Variants in KLHL1 observed in about 807,000 individuals in gnomAD.
KLHL1 encodes the protein kelch like family member 1.
In KLHL1, 47 loss-of-function variants were observed where a neutral mutation model predicts 77.7. The observed-to-expected ratio is 0.60, with a 90% CI of 0.48 to 0.77. The LOEUF is 0.77. KLHL1 is among the 30% of genes least tolerant of loss of function. The probability of loss-of-function intolerance (pLI) is 0.00; values close to 1 mark genes in which losing one functional copy is unlikely to be tolerated. For synonymous variants in KLHL1, 360 were observed against 325.2 expected, an observed-to-expected ratio of 1.11 and a Z score of -1.15; for missense variants, 925 against 910.8, an observed-to-expected ratio of 1.02 and a Z score of -0.20.
chr13:69,965,486 A>G (rs780493461), intron 2 of KLHL1, among the ~76,000 whole-genome samples: 83 of 152,034 alleles, frequency 5.5e-4, no homozygotes, highest in Non-Finnish European at 1.1e-3. Context: ...CCCCTTCTCC[A>G]TGGGTCTCCC....
At chr13:69,838,814 C>G (rs55929819) in intron 6 of KLHL1, among the ~76,000 whole-genome samples, 162 bp downstream of exon 6, 1 of 151,922 alleles carries the variant, frequency 6.6e-6, no homozygotes, top group African/African-American at 2.4e-5. Flanking sequence ...AAGAAGCAGA[C>G]AGCAGCTACA....
chr13:69,798,573 GTT>G (rs1232464352), intron 6 of KLHL1, among the ~76,000 whole-genome samples: 1 of 151,652 alleles, frequency 6.6e-6, no homozygotes, highest in Non-Finnish European at 1.5e-5. Context: ...ATTCAATACT[GTT>G]TATTAACATG....
At chr13:69,787,826 C>G (rs1445818974) in intron 7 of KLHL1, among the ~76,000 whole-genome samples, 4 of 151,810 alleles carry the variant, frequency 2.6e-5, no homozygotes, top group Admixed American at 6.6e-5. Context: ...AACAAACAAC[C>G]CCATCAAAAA....
chr13:70,065,405 C>T (rs1029011893), intron 1 of KLHL1, among the ~76,000 whole-genome samples: 3 of 152,122 alleles, frequency 2.0e-5, no homozygotes, highest in Non-Finnish European at 4.4e-5. Flanking sequence ...AATTCTCCTA[C>T]ACCTTGAGAC....
chr13:70,023,519 C>T (rs1003118566), intron 1 of KLHL1, among the ~76,000 whole-genome samples: 28 of 151,894 alleles, frequency 1.8e-4, no homozygotes, highest in Non-Finnish European at 2.2e-4. Flanking sequence ...TTTCTAACTG[C>T]CACAAAATAT....
At chr13:70,006,673 T>C (rs1441568) in intron 1 of KLHL1, among the ~76,000 whole-genome samples, 15,590 of 151,830 alleles carry the variant, frequency 0.1, 857 homozygotes, top group African/African-American at 0.12. Flanking sequence ...TGAATGTTTC[T>C]CTCATGGACA....
intron 4 of KLHL1, chr13:69,895,051 A>G: frequency 2.0e-6 from 1 of 499,294 alleles, no homozygotes; most frequent in Non-Finnish European, 4.0e-6. Flanking sequence ...TACTGATGTC[A>G]GAGTCTCCTT....
intron 7 of KLHL1, among the ~76,000 whole-genome samples, chr13:69,749,472 C>A (rs958471075): frequency 1.3e-5 from 2 of 151,810 alleles, no homozygotes; most frequent in Non-Finnish European, 2.9e-5. Flanking sequence ...AATTTTTGGA[C>A]TGTAGCTTTT....
chr13:69,937,147 C>T (rs941442518), intron 4 of KLHL1, among the ~76,000 whole-genome samples: 2 of 152,144 alleles, frequency 1.3e-5, no homozygotes, highest in Admixed American at 1.3e-4. Flanking sequence ...TGGGAATTGA[C>T]AACTCAGCAG....
At chr13:69,761,906 A>G (rs1231876789) in intron 7 of KLHL1, among the ~76,000 whole-genome samples, 1 of 152,152 alleles carries the variant, frequency 6.6e-6, no homozygotes, top group Non-Finnish European at 1.5e-5. Flanking sequence ...ACTGTTCTAA[A>G]TTGCTAAGAT....
Position 69,975,620 on chromosome 13 carries a change from C to CTATGTGCAGGGA in KLHL1, c.679_680insTCCCTGCACATA (p.Ile223_His226dup). The CTATGTGCAGGGA allele has an allele frequency of 6.2e-7, 1 of 1,612,474 alleles. No individual in the cohort carries two copies. Among genetic ancestry groups the CTATGTGCAGGGA allele is most frequent in the Non-Finnish European group, 8.5e-7 (1 of 1,179,314 alleles). ...TTCCAGTAGAGGCAGACTACTGTAC[C>CTATGTGCAGGGA]TATGTGCAGGTATCTTTCGGTTCCC... On this transcript the variant is annotated inframe_insertion and splice_region_variant, in exon 2 of 11. Coordinates refer to ENST00000377844, the MANE Select transcript of KLHL1 (RefSeq NM_020866.3).
rs750978889 is a variant in KLHL1 at position 69,882,503 on chromosome 13, G to A, written c.1015-8C>T. ...AACTTCCATTATGTTTTCCTGCAGG[G>A]AGAAAATATCTTGGCATAAATTCTG... On this transcript the variant is annotated splice_polypyrimidine_tract_variant and splice_region_variant and intron_variant, in intron 4 of 10. Coordinates refer to ENST00000377844, the MANE Select transcript of KLHL1 (RefSeq NM_020866.3). The A allele has an allele frequency of 7.5e-6, 12 of 1,593,242 alleles. No homozygotes were observed. The South Asian group carries it at 7.7e-5, about 10-fold the overall frequency.
chr13:70,022,281 T>TGTGTGTGTGTGTGTG (rs67661890), intron 1 of KLHL1, among the ~76,000 whole-genome samples: 26 of 134,704 alleles, frequency 1.9e-4, no homozygotes, highest in African/African-American at 7.9e-4. Flanking sequence ...ACGTGTGTGT[T>TGTGTGTGTGTGTGTG]TGTGTGTGTG....
intron 1 of KLHL1, among the ~76,000 whole-genome samples, chr13:70,071,971 A>T (rs181966624): frequency 1.3e-4 from 20 of 152,156 alleles, no homozygotes; most frequent in Non-Finnish European, 2.5e-4. Context: ...CACAACAGAA[A>T]TCAATTTAAT....
intron 10 of KLHL1, among the ~76,000 whole-genome samples, chr13:69,702,177 T>A (rs1051250908): frequency 1.3e-5 from 2 of 151,702 alleles, no homozygotes; most frequent in African/African-American, 4.8e-5. Context: ...CCCCAGATAT[T>A]GTATTGAATT....
chr13:69,937,715 T>C (rs9592667), intron 4 of KLHL1, among the ~76,000 whole-genome samples: 6,550 of 152,198 alleles, frequency 0.043, 197 homozygotes, highest in Admixed American at 0.065. Flanking sequence ...CTGAGTCACC[T>C]TCCCAAAAGA....
rs1172556818 is a variant in KLHL1, at chr13:70,028,706, G to A, written c.498-52904C>T. ...AAGGAATATTCATAGGCCGGGCATG[G>A]TAGTTTATGCCTGTAATCCCAGCAG... is the stretch of plus-strand genomic sequence containing the variant. On this transcript the variant is annotated intron_variant, in intron 1 of 10. Transcript: ENST00000377844. Among the ~76,000 whole-genome samples the A allele has an allele frequency of 3.3e-5, 5 of 152,268 alleles. No individual in the cohort carries two copies. In the East Asian group the frequency reaches 7.7e-4, roughly 24 times the overall value.
rs1200160699 is a variant in KLHL1 at position 69,939,378 on chromosome 13, T to TATATATATATATACAC, written c.1014+661_1014+662insGTGTATATATATATAT. 4.4e-3 allele frequency among the ~76,000 whole-genome samples: 308 copies of TATATATATATATACAC among 70,480 alleles called. 7 individuals carry two copies. Among genetic ancestry groups the TATATATATATATACAC allele is most frequent in the African/African-American group, 5.6e-3 (87 of 15,648 alleles). The allele number at this position is 70,480 out of a possible 152,430, so 46.2% of individuals were successfully genotyped here. A position where few individuals can be genotyped will look rare whatever the true frequency, so the allele number is the denominator to read the frequency against. On this transcript the variant is annotated intron_variant, in intron 4 of 10. Coordinates refer to ENST00000377844, the MANE Select transcript of KLHL1 (RefSeq NM_020866.3). ...ATATATATATATATATATATATATATACACACACACACGCACACACATACA... is the reference window on the plus strand; with the variant it reads ...ATATATATATATATATATATATATATATATATATATATACACACACACACACACGCACACACATACA...
chr13:70,057,469 CAAAAAAA>C (rs56235725), intron 1 of KLHL1, among the ~76,000 whole-genome samples: 2 of 87,110 alleles, frequency 2.3e-5, no homozygotes, highest in African/African-American at 9.2e-5. Context: ...AAAGACACAT[CAAAAAAA>C]AAAAAAAAAA....
Sources: allele counts gnomAD v4.1 joint callset (sites outside exome capture counted in the v4.1 genomes callset), GRCh38; gene constraint gnomAD v4.1.1; transcripts MANE v1.5; gene names NCBI Gene and HGNC (gene_info 2026-07-23, HGNC 2026-07-21).